Variants in CDK5RAP1 observed in about 807,000 individuals in gnomAD.
CDK5RAP1 encodes CDK5RAP1 mitochondrial tRNA methylthiotransferase.
CDK5RAP1 carries 62 observed loss-of-function variants against 64.5 expected under a neutral mutation model. That is an observed-to-expected ratio of 0.96 (90% CI 0.78 to 1.19). The LOEUF (loss-of-function observed/expected upper bound fraction) is 1.19, where lower values mean the gene tolerates loss of function less well. Among genes scored for constraint, CDK5RAP1 ranks in the 50% most tolerant of loss-of-function variants. The pLI is 0.00. For missense variants in CDK5RAP1, 657 were observed against 735.0 expected (o/e 0.89, Z 1.23); for synonymous variants, 250 against 261.9 (o/e 0.95, Z 0.44).
At chr20:33,363,788 C>T (rs1331018554) in intron 12 of CDK5RAP1, among the ~76,000 whole-genome samples, 4 of 152,096 alleles carry the variant, frequency 2.6e-5, no homozygotes, top group Non-Finnish European at 4.4e-5. Context: ...GTACCAGCTA[C>T]TCCGGAGGCT....
In CDK5RAP1 at chr20:33,385,644, C is replaced by A; in HGVS notation, c.876+6G>T. The A allele has an allele frequency of 6.2e-7, 1 of 1,614,016 alleles. No homozygotes were observed. The highest frequency in any genetic ancestry group is 1.1e-5 in the South Asian group (1 of 91,068). ...TCACAGCAAGAAAGCCTGGAGAACT[C>A]TTCACCTGCTCAGAAAGCTTCTTCA... On this transcript the variant is annotated splice_donor_region_variant and intron_variant, in intron 7 of 13. Coordinates refer to ENST00000346416, the MANE Select transcript of CDK5RAP1 (RefSeq NM_016408.4).
intron 1 of CDK5RAP1, among the ~76,000 whole-genome samples, chr20:33,399,990 G>A (rs1989251312): frequency 6.6e-6 from 1 of 152,182 alleles, no homozygotes; most frequent in South Asian, 2.1e-4. Context: ...ATTGCAGTGA[G>A]CTGAGATTGC....
chr20:33,367,715 A>G (rs1241032847), intron 11 of CDK5RAP1, among the ~76,000 whole-genome samples: 1 of 152,254 alleles, frequency 6.6e-6, no homozygotes, highest in Non-Finnish European at 1.5e-5. Flanking sequence ...TGTATTACCT[A>G]GTCCAAAAGA....
intron 4 of CDK5RAP1, among the ~76,000 whole-genome samples, chr20:33,392,656 A>G (rs1160803729): frequency 6.6e-6 from 1 of 152,002 alleles, no homozygotes; most frequent in East Asian, 1.9e-4. Context: ...AAGAAGCAAC[A>G]CTTGCTATAA....
chr20:33,364,190 T>C lies in CDK5RAP1; in HGVS notation c.1542+2669A>G, dbSNP rs943206446. Among the ~76,000 whole-genome samples, 153 of 54,028 alleles carry C rather than the reference T, an allele frequency of 2.8e-3. 4 individuals carry two copies. Among genetic ancestry groups the C allele is most frequent in the Non-Finnish European group, 4.3e-3 (71 of 16,628 alleles). The allele number at this position is 54,028 out of a possible 152,430, so 35.4% of individuals were successfully genotyped here. On this transcript the variant is annotated intron_variant, in intron 12 of 13. Coordinates refer to ENST00000346416, the MANE Select transcript of CDK5RAP1 (RefSeq NM_016408.4). ...TGAAATATTTACTGAAGAAATAGCT[T>C]TTTTTTTTTTTTTTTTGAGATGGAG...
chr20:33,394,309 G>A (rs894688704), intron 3 of CDK5RAP1, among the ~76,000 whole-genome samples: 4 of 151,370 alleles, frequency 2.6e-5, no homozygotes, highest in Admixed American at 2.0e-4. Context: ...CCACCACCAC[G>A]CCCAGTTAAT....
At position 33,394,006 on chromosome 20, in the gene CDK5RAP1, C is replaced by T. The variant is rs769505420; in HGVS notation, c.443+26G>A. ...GGCATTATTACATAAAATACATTCA[C>T]TCCTAGGAAAAGAACAAATTCGCAC... On this transcript the variant is annotated intron_variant, in intron 4 of 13. Coordinates refer to ENST00000346416, the MANE Select transcript of CDK5RAP1 (RefSeq NM_016408.4). 56 of 1,518,676 alleles carry T rather than the reference C, an allele frequency of 3.7e-5. No individual in the cohort carries two copies. The East Asian group carries it at 1.1e-3, about 30-fold the overall frequency. The allele number at this position is 1,518,676 out of a possible 1,614,324, so 94.1% of individuals were successfully genotyped here. A position where few individuals can be genotyped will look rare whatever the true frequency, so the allele number is the denominator to read the frequency against.
intron 6 of CDK5RAP1, among the ~76,000 whole-genome samples, chr20:33,386,282 T>C (rs1380551848): frequency 6.6e-6 from 1 of 152,196 alleles, no homozygotes. Context: ...CACGATGGTC[T>C]CGATCTTTTG....
At chr20:33,389,866 ATTC>A (rs746501290) in intron 5 of CDK5RAP1, among the ~76,000 whole-genome samples, 6 of 152,226 alleles carry the variant, frequency 3.9e-5, no homozygotes, top group Admixed American at 2.0e-4. Flanking sequence ...ACTAAGAAAA[ATTC>A]TTCTGCCTTG....
chr20:33,380,211 A>T (rs1312742998), intron 7 of CDK5RAP1, among the ~76,000 whole-genome samples: 1 of 152,180 alleles, frequency 6.6e-6, no homozygotes, highest in Non-Finnish European at 1.5e-5. Flanking sequence ...ACAAAAAATA[A>T]AAGAGCTGTT....
At chr20:33,360,233 T>C (rs1600693579) in intron 13 of CDK5RAP1, 118 bp downstream of exon 13, 1 of 937,938 alleles carries the variant, frequency 1.1e-6, no homozygotes, top group Non-Finnish European at 1.6e-6. Context: ...ATTGTACTGG[T>C]TGAGAGGGGA....
chr20:33,367,108 G>A (rs1055719491), intron 11 of CDK5RAP1, 100 bp from the exon 12 acceptor site: 2 of 1,178,768 alleles, frequency 1.7e-6, no homozygotes, highest in African/African-American at 1.5e-5. Flanking sequence ...CTACCTACAA[G>A]TAACAGACAC....
At chr20:33,374,315 T>A (rs572864177) in intron 8 of CDK5RAP1, 103 bp from the exon 9 acceptor site, 3 of 727,438 alleles carry the variant, frequency 4.1e-6, no homozygotes, top group Non-Finnish European at 4.8e-6. Flanking sequence ...AATTTTCACA[T>A]AATTAAGAGG....
intron 11 of CDK5RAP1, among the ~76,000 whole-genome samples, chr20:33,368,341 G>T (rs1376745544): frequency 6.6e-6 from 1 of 151,738 alleles, no homozygotes; most frequent in African/African-American, 2.4e-5. Context: ...TTGCCAAACC[G>T]GAGTGCAGTG....
intron 1 of CDK5RAP1, among the ~76,000 whole-genome samples, chr20:33,399,552 A>G (rs768986791): frequency 6.6e-6 from 1 of 152,184 alleles, no homozygotes; most frequent in Non-Finnish European, 1.5e-5. Context: ...AGTATCATTC[A>G]TTTCTACACC....
At chr20:33,393,360 G>T (rs543095265) in intron 4 of CDK5RAP1, among the ~76,000 whole-genome samples, 1 of 151,842 alleles carries the variant, frequency 6.6e-6, no homozygotes, top group East Asian at 1.9e-4. Context: ...GATTTTTTTT[G>T]AACTAGCATT....
At chr20:33,364,562 G>A (rs1983541377) in intron 12 of CDK5RAP1, among the ~76,000 whole-genome samples, 1 of 151,760 alleles carries the variant, frequency 6.6e-6, no homozygotes, top group Non-Finnish European at 1.5e-5. Context: ...GTCAAGTATT[G>A]ACAACTATTT....
intron 11 of CDK5RAP1, among the ~76,000 whole-genome samples, 167 bp from the exon 12 acceptor site, chr20:33,367,175 A>G (rs1984141156): frequency 6.6e-6 from 1 of 152,234 alleles, no homozygotes; most frequent in South Asian, 2.1e-4. Context: ...GAGCATTCCA[A>G]GATAAAAAGG....
chr20:33,398,400 A>T (rs1019456087), intron 1 of CDK5RAP1, among the ~76,000 whole-genome samples: 8 of 152,210 alleles, frequency 5.3e-5, no homozygotes, highest in African/African-American at 1.9e-4. Context: ...AGACTGAGGC[A>T]TGAGAATCTC....
Sources: gnomAD v4.1 joint callset for allele counts (sites outside exome capture counted in the v4.1 genomes callset) on GRCh38, gnomAD v4.1.1 for gene constraint, MANE v1.5 for transcripts, NCBI Gene and HGNC (gene_info 2026-07-23, HGNC 2026-07-21) for gene names.